The following SPATA16 variants were observed in gnomAD, a reference collection of about 807,000 sequenced individuals.
The protein encoded by SPATA16 is spermatogenesis-associated protein 16.
In SPATA16, 36 loss-of-function variants were observed where a neutral mutation model predicts 63.3. The observed-to-expected ratio is 0.57, with a 90% confidence interval of 0.44 to 0.75. SPATA16 has a LOEUF of 0.75. Ranked by LOEUF, SPATA16 falls within the 30% of genes least tolerant of loss-of-function variation. SPATA16 has a pLI of 0.00. For missense variants in SPATA16, 646 were observed against 679.3 expected (o/e 0.95, Z 0.54); for synonymous variants, 203 against 216.7 (o/e 0.94, Z 0.56).
At chr3:173,093,036 C>A (rs1308842434) in intron 2 of SPATA16, among the ~76,000 whole-genome samples, 2 of 130,006 alleles carry the variant, frequency 1.5e-5, no homozygotes, top group African/African-American at 3.0e-5. Flanking sequence ...TTTTATGCAC[C>A]TAAAACACAC....
At chr3:172,998,248 C>T (rs1469617686) in intron 4 of SPATA16, among the ~76,000 whole-genome samples, 2 of 151,998 alleles carry the variant, frequency 1.3e-5, no homozygotes, top group Admixed American at 1.3e-4. Flanking sequence ...AGATCTTGTA[C>T]ATAGTTTTGT....
Position 172,898,267 on chromosome 3 carries a change from G to A in SPATA16, c.1588-8575C>T, listed in dbSNP as rs187114096. On this transcript the variant is annotated intron_variant, in intron 10 of 10. Transcript: ENST00000351008. ...TAATACTAGATTTATAACATGAATT[G>A]GGAAGGGTTTGCTACTCTTGTTTTC... is the stretch of plus-strand genomic sequence containing the variant. 2.9e-3 allele frequency among the ~76,000 whole-genome samples: 443 copies of A among 151,990 alleles called. 2 individuals carry two copies. Among genetic ancestry groups the A allele is most frequent in the African/African-American group, 0.01 (428 of 41,510 alleles).
intron 10 of SPATA16, among the ~76,000 whole-genome samples, chr3:172,907,867 C>T (rs773543754): frequency 2.6e-5 from 4 of 152,210 alleles, no homozygotes; most frequent in South Asian, 2.1e-4. Context: ...CGTGAGCCAC[C>T]GTGCCCAGCC....
rs577236131 is a variant in SPATA16 at position 173,044,077 on chromosome 3, G to A, written c.758+4872C>T. On this transcript the variant is annotated intron_variant, in intron 3 of 10. Transcript: ENST00000351008. Reference sequence around the variant, plus strand: ...GTTTGATTATGATGTTCCTAGATGCGATCGTCTTTGAATCAGCCTCTCCTG... The same window carrying A: ...GTTTGATTATGATGTTCCTAGATGCAATCGTCTTTGAATCAGCCTCTCCTG... Among the ~76,000 whole-genome samples the A allele has an allele frequency of 5.3e-5, 8 of 152,076 alleles. No individual in the cohort carries two copies. In the East Asian group the frequency reaches 1.2e-3, roughly 22 times the overall value.
chr3:173,130,762 A>C (rs1738360810), intron 1 of SPATA16, among the ~76,000 whole-genome samples: 2 of 152,322 alleles, frequency 1.3e-5, no homozygotes, highest in East Asian at 3.9e-4. Flanking sequence ...AGATAATATA[A>C]TTATGAAGTG....
chr3:172,942,833 A>G (rs1412473338), intron 6 of SPATA16, among the ~76,000 whole-genome samples: 1 of 152,178 alleles, frequency 6.6e-6, no homozygotes, highest in Non-Finnish European at 1.5e-5. Flanking sequence ...AATTTAGATT[A>G]TGTTTTTGAA....
At chr3:173,050,253 A>G (rs545845966) in intron 2 of SPATA16, among the ~76,000 whole-genome samples, 175 of 152,312 alleles carry the variant, frequency 1.1e-3, no homozygotes, top group Admixed American at 4.6e-3. Context: ...AAGGCTAAAA[A>G]AGACTAAAGG....
rs140744041 is a variant in SPATA16 at position 172,967,684 on chromosome 3, C to T, written c.933+9284G>A. On this transcript the variant is annotated intron_variant, in intron 5 of 10. Coordinates refer to ENST00000351008, the MANE Select transcript of SPATA16 (RefSeq NM_031955.6). The stretch of plus-strand genomic sequence containing the variant: ...GCTGGCATTACTGCCTGAGCTCCAC[C>T]TCCAGTCAGATCAACAGTGGCATTA... Among the ~76,000 whole-genome samples the T allele has an allele frequency of 2.8e-3, 419 of 152,290 alleles. 3 individuals are homozygous for T. Among genetic ancestry groups the T allele is most frequent in the African/African-American group, 9.4e-3 (389 of 41,552 alleles).
At chr3:173,003,448 CAT>C (rs1174834307) in intron 4 of SPATA16, among the ~76,000 whole-genome samples, 1 of 152,150 alleles carries the variant, frequency 6.6e-6, no homozygotes, top group African/African-American at 2.4e-5. Flanking sequence ...TGGGTCTTGA[CAT>C]AAAATAAAGC....
intron 8 of SPATA16, among the ~76,000 whole-genome samples, chr3:172,923,284 A>G (rs1291366177): frequency 6.6e-6 from 1 of 152,226 alleles, no homozygotes; most frequent in Non-Finnish European, 1.5e-5. Flanking sequence ...TAGGAACATC[A>G]GTGAAAATGT....
At chr3:173,105,841 C>T (rs1737610727) in intron 2 of SPATA16, among the ~76,000 whole-genome samples, 1 of 150,022 alleles carries the variant, frequency 6.7e-6, no homozygotes, top group Admixed American at 6.7e-5. Flanking sequence ...TCCTTTCTCT[C>T]TCTCTTTTCC....
intron 5 of SPATA16, among the ~76,000 whole-genome samples, chr3:172,967,752 G>A (rs1350069142): frequency 2.0e-5 from 3 of 152,158 alleles, no homozygotes; most frequent in Non-Finnish European, 2.9e-5. Context: ...CTCCTCAGGC[G>A]AAGGATCTAG....
At position 173,099,594 on chromosome 3, in the gene SPATA16, G is replaced by T. The variant is rs1436190102; in HGVS notation, c.612+17526C>A. 2.0e-5 allele frequency among the ~76,000 whole-genome samples: 3 copies of T among 152,108 alleles called. No individual in the cohort carries two copies. The East Asian group carries it at 5.8e-4, about 29-fold the overall frequency. On this transcript the variant is annotated intron_variant, in intron 2 of 10. Coordinates refer to ENST00000351008, the MANE Select transcript of SPATA16 (RefSeq NM_031955.6). ...TTTGGAGGGAAATTTTGTGGTTGGA[G>T]AATAGGGATAGAAAGGAGCCATTAC...
intron 6 of SPATA16, 62 bp from the exon 7 acceptor site, chr3:172,925,554 T>TC (rs1253373752): frequency 7.5e-6 from 12 of 1,604,410 alleles, no homozygotes; most frequent in African/African-American, 1.3e-5. Flanking sequence ...TTTAGGGTTT[T>TC]CCCCCCCAGA....
intron 2 of SPATA16, among the ~76,000 whole-genome samples, chr3:173,100,703 C>G (rs1305689195): frequency 0.023 from 2,822 of 120,528 alleles, 104 homozygotes; most frequent in African/African-American, 0.077. Context: ...CACACACACA[C>G]ACACAGAGTA....
At chr3:173,106,620 A>G (rs574236981) in intron 2 of SPATA16, among the ~76,000 whole-genome samples, 4 of 152,182 alleles carry the variant, frequency 2.6e-5, no homozygotes, top group Admixed American at 6.5e-5. Flanking sequence ...ACCAATTCCA[A>G]TGTCCTCTTC....
Position 173,098,945 on chromosome 3 carries a change from T to TCAAC in SPATA16, c.612+18171_612+18174dup, listed in dbSNP as rs541883923. Reference sequence around the variant, plus strand: ...TTCTTTCAAAAGGATTTGGCAAAAATCAACCAACCAACCAACCAACCAAAC... The same window carrying TCAAC: ...TTCTTTCAAAAGGATTTGGCAAAAATCAACCAACCAACCAACCAACCAACCAAAC... On this transcript the variant is annotated intron_variant, in intron 2 of 10. Transcript: ENST00000351008. Among the ~76,000 whole-genome samples, 141 of 152,082 alleles carry TCAAC rather than the reference T, an allele frequency of 9.3e-4. 1 individual carries two copies. The highest frequency in any genetic ancestry group is 3.4e-3 in the Middle Eastern group (1 of 294).
intron 6 of SPATA16, among the ~76,000 whole-genome samples, chr3:172,948,103 G>C (rs75193502): frequency 0.087 from 13,242 of 151,940 alleles, 1,921 homozygotes; most frequent in African/African-American, 0.3. Flanking sequence ...TCCAAACCTA[G>C]AGAAAAATAT....
intron 3 of SPATA16, among the ~76,000 whole-genome samples, chr3:173,043,079 G>T (rs1735880557): frequency 6.6e-6 from 1 of 151,840 alleles, no homozygotes. Context: ...ATAGCATTTA[G>T]TTGAGCCTTG....
Sources: allele counts gnomAD v4.1 joint callset (sites outside exome capture counted in the v4.1 genomes callset), GRCh38; gene constraint gnomAD v4.1.1; transcripts MANE v1.5; gene names NCBI Gene and HGNC (gene_info 2026-07-23, HGNC 2026-07-21).